Variants in TENM4 observed in about 807,000 individuals in gnomAD.
The protein encoded by TENM4 is teneurin transmembrane protein 4.
Under a neutral mutation model 243.3 loss-of-function variants are expected in TENM4, and 82 were observed. That is an observed-to-expected ratio of 0.34 (90% CI 0.28 to 0.40). TENM4 has a LOEUF of 0.40. TENM4 is among the 10% of genes least tolerant of loss of function. The pLI, the probability that TENM4 is intolerant of heterozygous loss-of-function variation, is 1.00. For synonymous variants in TENM4, 1,412 were observed against 1,456.3 expected, an observed-to-expected ratio of 0.97 and a Z score of 0.69; for missense variants, 3,138 against 3,673.3, an observed-to-expected ratio of 0.85 and a Z score of 3.77.
intron 6 of TENM4, among the ~76,000 whole-genome samples, chr11:78,912,633 G>C (rs938617318): frequency 6.6e-5 from 10 of 152,156 alleles, no homozygotes; most frequent in Non-Finnish European, 1.3e-4. Context: ...TGCACATGAG[G>C]TTCCTCAACC....
Position 78,877,983 on chromosome 11 carries a change from G to C in TENM4, c.1084+11802C>G, listed in dbSNP as rs112174503. Among the ~76,000 whole-genome samples, 204 of 152,292 alleles carry C rather than the reference G, an allele frequency of 1.3e-3. 2 individuals carry two copies. Among genetic ancestry groups the C allele is most frequent in the Middle Eastern group, 6.8e-3 (2 of 294 alleles). The stretch of plus-strand genomic sequence containing the variant: ...GTCATAAGTAGTTAGGAGCAGATGA[G>C]CAGTTAGGGCAAAGCCAGCCTGTGC... On this transcript the variant is annotated intron_variant, in intron 9 of 33. Transcript: ENST00000278550.
chr11:79,038,302 A>G (rs1859437959), intron 6 of TENM4, among the ~76,000 whole-genome samples: 1 of 152,192 alleles, frequency 6.6e-6, no homozygotes, highest in Non-Finnish European at 1.5e-5. Flanking sequence ...GATGCCTCCC[A>G]GGTGCTTCAA....
intron 6 of TENM4, among the ~76,000 whole-genome samples, chr11:79,037,240 C>T (rs1390577140): frequency 6.6e-6 from 1 of 152,166 alleles, no homozygotes; most frequent in Non-Finnish European, 1.5e-5. Flanking sequence ...GGCTCTCTTG[C>T]TGTCAGCTGC....
At chr11:78,755,485 T>G (rs1393367016) in intron 19 of TENM4, among the ~76,000 whole-genome samples, 2 of 152,142 alleles carry the variant, frequency 1.3e-5, no homozygotes, top group Non-Finnish European at 2.9e-5. Flanking sequence ...GGCAACCTTT[T>G]GTGTGCTCAT....
chr11:78,947,082 A>G (rs1487202529), intron 6 of TENM4, among the ~76,000 whole-genome samples: 1 of 152,202 alleles, frequency 6.6e-6, no homozygotes, highest in Non-Finnish European at 1.5e-5. Flanking sequence ...CTGTGGGTAA[A>G]ATGCTGTCAA....
Position 78,688,157 on chromosome 11 carries a change from A to G in TENM4, c.5157T>C (p.Asp1719=). 1 of 1,613,938 alleles carries G rather than the reference A, an allele frequency of 6.2e-7. No homozygotes were observed. The highest frequency in any genetic ancestry group is 8.5e-7 in the Non-Finnish European group (1 of 1,179,854). ...CCTGGACATGCACTGAACTGTCTGT[A>G]TCACTTCGGAAACTGCTCACCTGGC... ...PTGQVSSFRS[D]TDSSVHVQVE... is the part of the protein sequence containing the mutation. Residue 1719 remains aspartate (D), a synonymous_variant, in exon 29 of 34, where the codon GAT becomes GAC. Transcript: ENST00000278550.
At chr11:79,050,088 C>T (rs764326979) in intron 6 of TENM4, among the ~76,000 whole-genome samples, 1 of 152,168 alleles carries the variant, frequency 6.6e-6, no homozygotes, top group African/African-American at 2.4e-5. Context: ...GCATTTAAAG[C>T]CAGGGTATGG....
intron 4 of TENM4, among the ~76,000 whole-genome samples, chr11:79,101,913 CAGA>C (rs1336134618): frequency 6.6e-6 from 1 of 152,182 alleles, no homozygotes; most frequent in Non-Finnish European, 1.5e-5. Context: ...CTTCTAGCTC[CAGA>C]AGATTTATGA....
At chr11:79,024,543 A>T (rs1376720085) in intron 6 of TENM4, among the ~76,000 whole-genome samples, 1 of 152,214 alleles carries the variant, frequency 6.6e-6, no homozygotes, top group East Asian at 1.9e-4. Flanking sequence ...ACACCATAAA[A>T]TCAGATATAT....
At chr11:78,860,158 G>A (rs1858781649) in intron 10 of TENM4, among the ~76,000 whole-genome samples, 1 of 152,196 alleles carries the variant, frequency 6.6e-6, no homozygotes, top group South Asian at 2.1e-4. Context: ...TGCAGAATCT[G>A]TGGCAGGGAG....
intron 19 of TENM4, among the ~76,000 whole-genome samples, chr11:78,740,692 A>G (rs1216729297): frequency 6.6e-6 from 1 of 152,236 alleles, no homozygotes; most frequent in Non-Finnish European, 1.5e-5. Context: ...GCTGGCCACC[A>G]GCCAGCCTTC....
rs111976261 is a variant in TENM4, at chr11:78,958,370, G to C, written c.494-54847C>G. Among the ~76,000 whole-genome samples, 22 of 152,242 alleles carry C rather than the reference G, an allele frequency of 1.4e-4. No homozygotes were observed. The East Asian group carries it at 3.9e-3, about 27-fold the overall frequency. ...TATTTATTCTGAAAAGTTTCTATGG[G>C]GTAGGGACGAATACCTACTTAATCC... On this transcript the variant is annotated intron_variant, in intron 6 of 33. Transcript: ENST00000278550.
intron 6 of TENM4, among the ~76,000 whole-genome samples, chr11:79,004,355 C>CCATTTA (rs1858416168): frequency 2.0e-5 from 3 of 152,160 alleles, no homozygotes; most frequent in Admixed American, 2.0e-4. Context: ...ACCATCTGCA[C>CCATTTA]AAGGCACACA....
chr11:79,277,576 A>T (rs1024950898), intron 2 of TENM4, among the ~76,000 whole-genome samples: 6 of 152,070 alleles, frequency 3.9e-5, no homozygotes, highest in Admixed American at 3.3e-4. Context: ...CTGGCAGAAA[A>T]TCTTTTGAAA....
intron 1 of TENM4, among the ~76,000 whole-genome samples, chr11:79,392,083 A>G (rs563953831): frequency 6.6e-6 from 1 of 152,342 alleles, no homozygotes; most frequent in East Asian, 1.9e-4. Flanking sequence ...CTGTTCTCAG[A>G]CAGAAAAATC....
intron 3 of TENM4, among the ~76,000 whole-genome samples, chr11:79,153,961 T>C (rs538563044): frequency 1.1e-4 from 17 of 152,240 alleles, no homozygotes; most frequent in Non-Finnish European, 2.4e-4. Flanking sequence ...AACCCCAAAC[T>C]CACTGCCTTA....
chr11:78,841,629 T>A (rs1328326851), intron 12 of TENM4, among the ~76,000 whole-genome samples: 2 of 151,776 alleles, frequency 1.3e-5, no homozygotes, highest in Non-Finnish European at 2.9e-5. Flanking sequence ...CCATTAGTCA[T>A]CTCCCCTCTC....
At chr11:79,119,028 G>C (rs956373965) in intron 4 of TENM4, among the ~76,000 whole-genome samples, 4 of 151,640 alleles carry the variant, frequency 2.6e-5, no homozygotes, top group African/African-American at 4.9e-5. Flanking sequence ...CATTTTTAAA[G>C]ATAATAAAAT....
chr11:78,853,750 G>A (rs2136202469), intron 12 of TENM4, among the ~76,000 whole-genome samples: 1 of 152,336 alleles, frequency 6.6e-6, no homozygotes. Flanking sequence ...GGTGAACCAA[G>A]TGAGACTCTA....
Sources: allele counts gnomAD v4.1 joint callset (sites outside exome capture counted in the v4.1 genomes callset), GRCh38; gene constraint gnomAD v4.1.1; transcripts MANE v1.5; gene names NCBI Gene and HGNC (gene_info 2026-07-23, HGNC 2026-07-21).